MYO5B: variants seen among roughly 807,000 people sequenced by gnomAD.
MYO5B encodes myosin VB.
MYO5B carries 143 observed loss-of-function variants against 229.3 expected under a neutral mutation model. That is an observed-to-expected ratio of 0.62 (90% confidence interval 0.54 to 0.72). MYO5B has a LOEUF of 0.72. Ranked by LOEUF, MYO5B falls within the 30% of genes least tolerant of loss-of-function variation. The pLI is 0.00. For synonymous variants in MYO5B, 918 were observed against 885.2 expected, an observed-to-expected ratio of 1.04 and a Z score of -0.66; for missense variants, 2,321 against 2,331.0, an observed-to-expected ratio of 1.00 and a Z score of 0.09.
chr18:50,030,817 G>T (rs1245903356), intron 4 of MYO5B, among the ~76,000 whole-genome samples: 2 of 142,526 alleles, frequency 1.4e-5, no homozygotes, highest in Non-Finnish European at 1.5e-5. Context: ...TGTGGGTGCT[G>T]TATTACCTTG....
chr18:49,947,032 A>G (rs138707162), intron 14 of MYO5B, among the ~76,000 whole-genome samples: 2 of 151,708 alleles, frequency 1.3e-5, no homozygotes, highest in African/African-American at 4.8e-5. Flanking sequence ...CTACGTAAGG[A>G]TACCTCACCT....
At chr18:50,025,793 G>A (rs1403255929) in intron 4 of MYO5B, among the ~76,000 whole-genome samples, 1 of 152,156 alleles carries the variant, frequency 6.6e-6, no homozygotes, top group Non-Finnish European at 1.5e-5. Flanking sequence ...CCGTGGGACA[G>A]CTTTTTCCTC....
intron 17 of MYO5B, among the ~76,000 whole-genome samples, chr18:49,928,227 C>CA (rs112955077): frequency 0.041 from 6,286 of 152,178 alleles, 324 homozygotes; most frequent in East Asian, 0.15. Context: ...ACTGAAAAAT[C>CA]AAAAAATAGA....
intron 7 of MYO5B, among the ~76,000 whole-genome samples, chr18:49,986,734 A>G (rs1489439865): frequency 6.6e-6 from 1 of 152,202 alleles, no homozygotes; most frequent in Non-Finnish European, 1.5e-5. Context: ...CTTTACACTC[A>G]CCTTTCAAAG....
intron 1 of MYO5B, among the ~76,000 whole-genome samples, chr18:50,164,819 C>T (rs757077933): frequency 2.7e-4 from 41 of 152,292 alleles, no homozygotes; most frequent in Non-Finnish European, 3.7e-4. Context: ...TTCTCTGATG[C>T]TTCTTAAAAA....
At chr18:49,963,616 C>T (rs972651600) in intron 10 of MYO5B, among the ~76,000 whole-genome samples, 1 of 152,002 alleles carries the variant, frequency 6.6e-6, no homozygotes, top group Admixed American at 6.5e-5. Context: ...TTTGTAGAGA[C>T]AAGGTTTTGC....
chr18:50,120,883 C>T (rs1159385030), intron 1 of MYO5B, among the ~76,000 whole-genome samples: 1 of 152,162 alleles, frequency 6.6e-6, no homozygotes, highest in Non-Finnish European at 1.5e-5. Context: ...ACCTGCACGC[C>T]ATTTAAAAGG....
At chr18:50,106,234 G>A (rs1290122005) in intron 1 of MYO5B, among the ~76,000 whole-genome samples, 2 of 152,086 alleles carry the variant, frequency 1.3e-5, no homozygotes, top group Non-Finnish European at 2.9e-5. Flanking sequence ...TGCCATCCCT[G>A]TCCAGGTCTC....
chr18:50,036,755 A>G, intron 4 of MYO5B, 95 bp downstream of exon 4: 1 of 1,437,952 alleles, frequency 7.0e-7, no homozygotes, highest in Non-Finnish European at 9.8e-7. Flanking sequence ...CAATCTCACC[A>G]CCTCACTGTG....
At chr18:50,130,162 CT>C (rs1201579603) in intron 1 of MYO5B, among the ~76,000 whole-genome samples, 1 of 152,212 alleles carries the variant, frequency 6.6e-6, no homozygotes, top group African/African-American at 2.4e-5. Flanking sequence ...TGTCAGCTAC[CT>C]AGTGATCCAA....
chr18:50,062,429 G>A (rs1380604088), intron 1 of MYO5B, among the ~76,000 whole-genome samples: 1 of 152,066 alleles, frequency 6.6e-6, no homozygotes, highest in African/African-American at 2.4e-5. Context: ...AAAGAAGGAA[G>A]AAAAAACATT....
At chr18:50,049,424 T>C (rs2030332206) in intron 2 of MYO5B, among the ~76,000 whole-genome samples, 1 of 152,212 alleles carries the variant, frequency 6.6e-6, no homozygotes, top group Non-Finnish European at 1.5e-5. Flanking sequence ...AGCATAAAAA[T>C]ATGGAGTCAA....
intron 2 of MYO5B, among the ~76,000 whole-genome samples, chr18:50,042,296 T>C (rs1376000480): frequency 6.6e-6 from 1 of 152,018 alleles, no homozygotes; most frequent in Non-Finnish European, 1.5e-5. Flanking sequence ...AGCATTCTTC[T>C]GAATTAAAAA....
chr18:50,195,113 G>T lies in MYO5B; in HGVS notation c.-320C>A, dbSNP rs1466480000. 4.3e-6 allele frequency: 1 copy of T among 235,256 alleles called. No homozygotes were observed. Among genetic ancestry groups the T allele is most frequent in the Non-Finnish European group, 8.2e-6 (1 of 122,596 alleles). The allele number at this position is 235,256 out of a possible 1,614,324, so 14.6% of individuals were successfully genotyped here. On this transcript the variant is annotated 5_prime_UTR_variant, in exon 1 of 40. Coordinates refer to ENST00000285039, the MANE Select transcript of MYO5B (RefSeq NM_001080467.3). ...CGGCGAGGAGGGAGGACCCGCTCGC[G>T]TCAGAGCGGACGGCCCGTGCGCCGC...
chr18:49,832,747 G>A (rs2023938453), intron 39 of MYO5B, among the ~76,000 whole-genome samples: 1 of 152,156 alleles, frequency 6.6e-6, no homozygotes, highest in South Asian at 2.1e-4. Context: ...AAATTTTAAA[G>A]TAATTTTAAT....
At chr18:49,841,551 G>C in intron 34 of MYO5B, 97 bp from the exon 35 acceptor site, 1 of 1,145,126 alleles carries the variant, frequency 8.7e-7, no homozygotes, top group South Asian at 1.2e-5. Flanking sequence ...CCCTTACCTA[G>C]TGTTCCTGAG....
intron 39 of MYO5B, among the ~76,000 whole-genome samples, chr18:49,828,139 T>C (rs2023868538): frequency 2.6e-5 from 4 of 152,172 alleles, no homozygotes; most frequent in African/African-American, 9.7e-5. Flanking sequence ...TCTGCAGATA[T>C]GGAACCTGTG....
chr18:49,841,930 T>C (rs1046685142), intron 34 of MYO5B, among the ~76,000 whole-genome samples: 2 of 152,214 alleles, frequency 1.3e-5, no homozygotes, highest in Admixed American at 6.5e-5. Flanking sequence ...GCTTTAACTC[T>C]CTAGAAAATG....
At chr18:49,877,661 C>T (rs2024541731) in intron 25 of MYO5B, 102 bp downstream of exon 25, 2 of 1,527,098 alleles carry the variant, frequency 1.3e-6, no homozygotes, top group Non-Finnish European at 9.0e-7. Context: ...GCACTCTGGT[C>T]ACCATCAGCA....
Sources: gnomAD v4.1 joint callset for allele counts (sites outside exome capture counted in the v4.1 genomes callset) on GRCh38, gnomAD v4.1.1 for gene constraint, MANE v1.5 for transcripts, NCBI Gene and HGNC (gene_info 2026-07-23, HGNC 2026-07-21) for gene names.